Variants in SLC9A8 observed in about 807,000 individuals in gnomAD.
SLC9A8 encodes the protein solute carrier family 9 member A8, also known as sodium/hydrogen exchanger 8.
A neutral mutation model predicts 66.6 loss-of-function variants in SLC9A8; 48 were observed. The ratio of observed to expected loss-of-function variants is 0.72; its 90% CI spans 0.57 to 0.92. The LOEUF (loss-of-function observed/expected upper bound fraction) is 0.92. Ranked by LOEUF, SLC9A8 falls within the 40% of genes least tolerant of loss-of-function variation. The pLI is 0.00. For synonymous variants in SLC9A8, 274 were observed against 282.6 expected (o/e 0.97, Z 0.31); for missense variants, 599 against 747.3 (o/e 0.80, Z 2.31).
chr20:49,830,695 C>T, intron 3 of SLC9A8: 2 of 675,916 alleles, frequency 3.0e-6, no homozygotes, highest in Non-Finnish European at 5.4e-6. Context: ...ATAGGGAAGA[C>T]CTCCTCCTTC....
intron 3 of SLC9A8, among the ~76,000 whole-genome samples, chr20:49,833,087 G>A (rs2087278948): frequency 6.6e-6 from 1 of 152,152 alleles, no homozygotes; most frequent in Admixed American, 6.5e-5. Flanking sequence ...TGTATTTTTA[G>A]CGGAGACGGG....
At chr20:49,839,510 T>G in intron 3 of SLC9A8, 31 bp from the exon 4 acceptor site, 1 of 1,377,776 alleles carries the variant, frequency 7.3e-7, no homozygotes, top group Non-Finnish European at 1.0e-6. Flanking sequence ...ATATCTTAAA[T>G]TTATGTTAAA....
intron 3 of SLC9A8, chr20:49,829,704 A>T (rs998261444): frequency 2.7e-5 from 13 of 486,668 alleles, no homozygotes; most frequent in Non-Finnish European, 4.4e-5. Flanking sequence ...AGAGTTTCTC[A>T]GGAGAGCCCA....
chr20:49,849,513 G>C, intron 5 of SLC9A8, 66 bp from the exon 6 acceptor site: 1 of 1,242,024 alleles, frequency 8.1e-7, no homozygotes, highest in Admixed American at 1.8e-5. Flanking sequence ...CAGGTGTGCA[G>C]GCCGTGCCTT....
At chr20:49,847,572 A>G (rs993808630) in intron 5 of SLC9A8, among the ~76,000 whole-genome samples, 5 of 151,966 alleles carry the variant, frequency 3.3e-5, no homozygotes, top group Non-Finnish European at 7.4e-5. Context: ...TCGCCCAAAG[A>G]TGATAGGAAG....
rs1568844629 is a variant in SLC9A8, at chr20:49,855,665, G to A, written c.713+84G>A. 8 of 1,308,720 alleles carry A rather than the reference G, an allele frequency of 6.1e-6. No homozygotes were observed. The East Asian group carries it at 1.5e-4, about 24-fold the overall frequency. The allele number at this position is 1,308,720 out of a possible 1,614,324, so 81.1% of individuals were successfully genotyped here. A position where few individuals can be genotyped will look rare whatever the true frequency, so the allele number is the denominator to read the frequency against. On this transcript the variant is annotated intron_variant, in intron 8 of 15. Transcript: ENST00000361573. ...ACAAAGGGGCAGATATTTCCACACA[G>A]CATGTGTACAGTTGCTTGTCCTCTG... is the stretch of plus-strand genomic sequence containing the variant.
chr20:49,865,808 G>C (rs1340427363), intron 10 of SLC9A8, among the ~76,000 whole-genome samples: 1 of 152,212 alleles, frequency 6.6e-6, no homozygotes, highest in Non-Finnish European at 1.5e-5. Flanking sequence ...CCTGTGTGAG[G>C]GGGCAGCCAG....
rs1271221689 is a variant in SLC9A8, at chr20:49,812,835, C to A, written c.-88C>A. On this transcript the variant is annotated 5_prime_UTR_variant, in exon 1 of 16. Coordinates refer to ENST00000361573, the MANE Select transcript of SLC9A8 (RefSeq NM_015266.3). ...GCCGAGGCCCCGCCTCCCGCTCGCCCGCCCGCGCCTCCAGCGGAAGCCGGA... is the reference window on the plus strand; with the variant it reads ...GCCGAGGCCCCGCCTCCCGCTCGCCAGCCCGCGCCTCCAGCGGAAGCCGGA... 2 of 1,448,148 alleles carry A rather than the reference C, an allele frequency of 1.4e-6. No homozygotes were observed. The highest frequency in any genetic ancestry group is 1.8e-6 in the Non-Finnish European group (2 of 1,091,866). 89.7% of individuals were successfully genotyped at this position (1,448,148 alleles called of 1,614,324 possible).
intron 1 of SLC9A8, 145 bp downstream of exon 1, chr20:49,813,093 G>T: frequency 2.0e-6 from 1 of 490,594 alleles, no homozygotes. Context: ...TGCCTACGAG[G>T]AGGGCGGGAT....
chr20:49,883,851 CG>C lies in SLC9A8; in HGVS notation c.1280del (p.Gly427GlufsTer7). The C allele has an allele frequency of 3.1e-6, 5 of 1,604,712 alleles. No homozygotes were observed. Among genetic ancestry groups the C allele is most frequent in the Non-Finnish European group, 3.4e-6 (4 of 1,179,214 alleles). On this transcript the variant is annotated frameshift_variant, in exon 14 of 16. Coordinates refer to ENST00000361573, the MANE Select transcript of SLC9A8 (RefSeq NM_015266.3). LOFTEE classifies it high-confidence loss of function. ...CACTGTTTGCTGTCACCCAGGCCTG[CG>C]GGGAGCCATCCCCTATGCCCTGAGC... ...MMFIMWFSGL[R>X]GAIPYALSLH...
intron 4 of SLC9A8, among the ~76,000 whole-genome samples, chr20:49,842,650 C>T (rs6125793): frequency 6.6e-6 from 1 of 152,154 alleles, no homozygotes; most frequent in Non-Finnish European, 1.5e-5. Context: ...CAAGTGCCAC[C>T]TAAAATCACC....
At chr20:49,830,736 A>T (rs761684624) in intron 3 of SLC9A8, 4 of 728,956 alleles carry the variant, frequency 5.5e-6, no homozygotes, top group African/African-American at 5.3e-5. Flanking sequence ...AGCCAAGATG[A>T]TGCTGATTGT....
intron 3 of SLC9A8, chr20:49,829,835 A>G: frequency 1.8e-6 from 1 of 562,396 alleles, no homozygotes; most frequent in Non-Finnish European, 3.6e-6. Flanking sequence ...GTCTGAAGGA[A>G]AAGTGAAGAA....
chr20:49,821,190 C>G (rs1280581487), intron 2 of SLC9A8, among the ~76,000 whole-genome samples: 1 of 152,158 alleles, frequency 6.6e-6, no homozygotes, highest in Non-Finnish European at 1.5e-5. Context: ...CTTAAAGCCG[C>G]AAAGAGTTGT....
intron 1 of SLC9A8, among the ~76,000 whole-genome samples, chr20:49,813,338 T>C (rs997691847): frequency 4.6e-5 from 7 of 152,196 alleles, no homozygotes; most frequent in African/African-American, 1.4e-4. Flanking sequence ...TGTATAACGA[T>C]CAGTTTTCAT....
At chr20:49,864,412 C>T (rs1226702080) in intron 9 of SLC9A8, among the ~76,000 whole-genome samples, 1 of 152,174 alleles carries the variant, frequency 6.6e-6, no homozygotes, top group East Asian at 1.9e-4. Context: ...GTCTGCAGCC[C>T]CAGCTTTGCG....
At chr20:49,830,412 C>A in intron 3 of SLC9A8, 2 of 825,652 alleles carry the variant, frequency 2.4e-6, no homozygotes, top group East Asian at 2.5e-5. Flanking sequence ...CACTTTCGCC[C>A]GTGTGTTGGA....
Position 49,873,201 on chromosome 20 carries a change from G to A in SLC9A8, c.959-1504G>A, listed in dbSNP as rs186223095. On this transcript the variant is annotated intron_variant, in intron 10 of 15. Transcript: ENST00000361573. ...AAGTCCATCAAAATCCACACATTTA[G>A]CTGGGTGCAGTGGCTCACACTTATA... Among the ~76,000 whole-genome samples the A allele has an allele frequency of 1.8e-3, 277 of 152,326 alleles. 2 individuals carry two copies. Among genetic ancestry groups the A allele is most frequent in the Non-Finnish European group, 1.3e-3 (89 of 68,034 alleles).
At chr20:49,868,601 C>T (rs1034004430) in intron 10 of SLC9A8, among the ~76,000 whole-genome samples, 1 of 152,226 alleles carries the variant, frequency 6.6e-6, no homozygotes, top group East Asian at 1.9e-4. Flanking sequence ...CCTAAATCCA[C>T]ATGTAGGGAA....
Sources: allele counts gnomAD v4.1 joint callset (sites outside exome capture counted in the v4.1 genomes callset), GRCh38; gene constraint gnomAD v4.1.1; transcripts MANE v1.5; gene names NCBI Gene and HGNC (gene_info 2026-07-23, HGNC 2026-07-21).